The following CEP295 variants were observed in gnomAD, a reference collection of about 807,000 sequenced individuals.
CEP295 encodes centrosomal protein of 295 kDa.
A neutral mutation model predicts 291.6 loss-of-function variants in CEP295; 190 were observed. The observed-to-expected ratio is 0.65, with a 90% CI of 0.58 to 0.73. The LOEUF is 0.73. CEP295 is among the 30% of genes least tolerant of loss of function. The probability of loss-of-function intolerance (pLI) is 0.00; values close to 1 mark genes in which losing one functional copy is unlikely to be tolerated. For missense variants in CEP295, 2,863 were observed against 2,949.4 expected (o/e 0.97, Z 0.68); for synonymous variants, 993 against 1,038.8 (o/e 0.96, Z 0.85).
At position 93,679,006 on chromosome 11, in the gene CEP295, G is replaced by A. The variant is rs372047663; in HGVS notation, c.625-406G>A. 2.0e-4 allele frequency among the ~76,000 whole-genome samples: 31 copies of A among 152,168 alleles called. No homozygotes were observed. The East Asian group carries it at 3.3e-3, about 16-fold the overall frequency. ...CGAGTAGCTGGGATTATAGGTGCCCGCCACCATGCCTGGCTAATTTTTATA... is the reference window on the plus strand; with the variant it reads ...CGAGTAGCTGGGATTATAGGTGCCCACCACCATGCCTGGCTAATTTTTATA... On this transcript the variant is annotated intron_variant, in intron 6 of 29. Coordinates refer to ENST00000325212, the MANE Select transcript of CEP295 (RefSeq NM_033395.2).
At chr11:93,691,278 C>T (rs1036203215) in intron 10 of CEP295, among the ~76,000 whole-genome samples, 1 of 152,184 alleles carries the variant, frequency 6.6e-6, no homozygotes, top group Non-Finnish European at 1.5e-5. Context: ...GAACAAATTG[C>T]TTTAACTTCC....
At chr11:93,702,317 T>G in intron 15 of CEP295, 143 bp from the exon 16 acceptor site, 1 of 533,598 alleles carries the variant, frequency 1.9e-6, no homozygotes, top group Non-Finnish European at 3.2e-6. Flanking sequence ...TCTTATTTTT[T>G]ATATATAGAT....
At position 93,696,528 on chromosome 11, in the gene CEP295, A is replaced by G; in HGVS notation, c.1769+111A>G. The G allele has an allele frequency of 7.9e-6, 8 of 1,013,770 alleles. No individual in the cohort carries two copies. In the Middle Eastern group the frequency reaches 1.5e-3, roughly 190 times the overall value. The allele number at this position is 1,013,770 out of a possible 1,614,324, so 62.8% of individuals were successfully genotyped here. On this transcript the variant is annotated intron_variant, in intron 14 of 29. Coordinates refer to ENST00000325212, the MANE Select transcript of CEP295 (RefSeq NM_033395.2). ...GGATTTCCTTAGAATTATGGCATTTAGAACTGCCATTCTTAAAGGACAATG... is the reference window on the plus strand; with the variant it reads ...GGATTTCCTTAGAATTATGGCATTTGGAACTGCCATTCTTAAAGGACAATG...
At chr11:93,675,125 C>T (rs1181365741) in intron 5 of CEP295, among the ~76,000 whole-genome samples, 3 of 151,968 alleles carry the variant, frequency 2.0e-5, no homozygotes, top group Non-Finnish European at 4.4e-5. Flanking sequence ...ATTCAAAATA[C>T]GTCATTAAAC....
intron 10 of CEP295, among the ~76,000 whole-genome samples, chr11:93,689,342 C>G (rs894736889): frequency 6.6e-6 from 1 of 152,316 alleles, no homozygotes; most frequent in Non-Finnish European, 1.5e-5. Context: ...TACTCCCATA[C>G]TCACTACCTC....
chr11:93,727,785 C>T, intron 24 of CEP295, 148 bp downstream of exon 24: 10 of 657,574 alleles, frequency 1.5e-5, no homozygotes, highest in Non-Finnish European at 2.5e-5. Flanking sequence ...GCCTCAACTT[C>T]CGAAGTAGTT....
At chr11:93,703,869 C>T (rs763876125) in intron 17 of CEP295, among the ~76,000 whole-genome samples, 12 of 150,656 alleles carry the variant, frequency 8.0e-5, no homozygotes, top group East Asian at 2.0e-4. Flanking sequence ...CCCAGGTTCA[C>T]GCCATTCTCC....
intron 12 of CEP295, 54 bp from the exon 13 acceptor site, chr11:93,695,443 C>A: frequency 8.2e-7 from 1 of 1,212,552 alleles, no homozygotes; most frequent in Non-Finnish European, 1.1e-6. Context: ...CGTGTGTTAT[C>A]TTTGCCTTTG....
Position 93,685,531 on chromosome 11 carries a change from A to C in CEP295, c.1114+1403A>C, listed in dbSNP as rs187842903. 3.1e-3 allele frequency among the ~76,000 whole-genome samples: 479 copies of C among 152,108 alleles called. 3 individuals carry two copies. Among genetic ancestry groups the C allele is most frequent in the African/African-American group, 0.011 (451 of 41,362 alleles). Reference sequence around the variant, plus strand: ...ACGGAAGCCTAAGGTTACTACCAGCAACTGGGGAAAAAAAAGCAGCAGCAG... The same window carrying C: ...ACGGAAGCCTAAGGTTACTACCAGCCACTGGGGAAAAAAAAGCAGCAGCAG... On this transcript the variant is annotated intron_variant, in intron 9 of 29. Coordinates refer to ENST00000325212, the MANE Select transcript of CEP295 (RefSeq NM_033395.2).
Position 93,729,402 on chromosome 11 carries a change from A to G in CEP295, c.7303-32A>G, listed in dbSNP as rs777615446. On this transcript the variant is annotated intron_variant, in intron 25 of 29. Coordinates refer to ENST00000325212, the MANE Select transcript of CEP295 (RefSeq NM_033395.2). ...GCAAGACCCGCTTAAAGCGTTTAAAAAGAGTAAAACATGCAACTTTCTTGC... is the reference window on the plus strand; with the variant it reads ...GCAAGACCCGCTTAAAGCGTTTAAAGAGAGTAAAACATGCAACTTTCTTGC... The G allele has an allele frequency of 2.3e-5, 34 of 1,449,564 alleles. No individual in the cohort carries two copies. In the Middle Eastern group the frequency reaches 5.3e-4, roughly 23 times the overall value. The allele number at this position is 1,449,564 out of a possible 1,614,324, so 89.8% of individuals were successfully genotyped here. A position where few individuals can be genotyped will look rare whatever the true frequency, so the allele number is the denominator to read the frequency against.
chr11:93,669,003 C>A (rs1590962305), intron 4 of CEP295, 71 bp downstream of exon 4: 1 of 743,876 alleles, frequency 1.3e-6, no homozygotes, highest in Non-Finnish European at 2.2e-6. Flanking sequence ...ACATAGGATA[C>A]TGTGTAAGCA....
chr11:93,669,654 G>T, intron 4 of CEP295, 23 bp from the exon 5 acceptor site: 1 of 1,436,058 alleles, frequency 7.0e-7, no homozygotes, highest in South Asian at 1.2e-5. Context: ...GAGATTAATT[G>T]ATGACATCTC....
At chr11:93,706,080 G>T (rs376025007) in intron 17 of CEP295, among the ~76,000 whole-genome samples, 59 of 152,192 alleles carry the variant, frequency 3.9e-4, no homozygotes, top group African/African-American at 1.3e-3. Context: ...TATCAGATTC[G>T]TTTTCTCCAG....
chr11:93,711,969 T>TG (rs1311125446), intron 18 of CEP295, among the ~76,000 whole-genome samples: 1 of 152,210 alleles, frequency 6.6e-6, no homozygotes, highest in Non-Finnish European at 1.5e-5. Flanking sequence ...TAGGTTCATT[T>TG]GGTCTATGGT....
intron 18 of CEP295, among the ~76,000 whole-genome samples, chr11:93,712,481 T>C (rs925798347): frequency 6.6e-6 from 1 of 152,178 alleles, no homozygotes; most frequent in African/African-American, 2.4e-5. Context: ...CTCGAACTCC[T>C]GACCTCAGGT....
chr11:93,669,287 G>T (rs536832727), intron 4 of CEP295, among the ~76,000 whole-genome samples: 13 of 152,206 alleles, frequency 8.5e-5, no homozygotes, highest in African/African-American at 3.1e-4. Flanking sequence ...GTAGACTCTG[G>T]AAGTCATTAG....
At chr11:93,712,232 G>A (rs936555812) in intron 18 of CEP295, among the ~76,000 whole-genome samples, 14 of 149,744 alleles carry the variant, frequency 9.3e-5, no homozygotes, top group Non-Finnish European at 1.3e-4. Flanking sequence ...TATGGTTTTT[G>A]TCTTGAAATT....
chr11:93,663,728 C>T (rs1950090642), intron 1 of CEP295, among the ~76,000 whole-genome samples: 1 of 152,140 alleles, frequency 6.6e-6, no homozygotes, highest in South Asian at 2.1e-4. Flanking sequence ...AACAGTTATT[C>T]TATCGCATTT....
At position 93,729,970 on chromosome 11, in the gene CEP295, G is replaced by A. The variant is rs1591191947; in HGVS notation, c.7667+1G>A. The A allele has an allele frequency of 1.3e-6, 2 of 1,513,330 alleles. No individual in the cohort carries two copies. Among genetic ancestry groups the A allele is most frequent in the Non-Finnish European group, 1.8e-6 (2 of 1,133,500 alleles). The allele number at this position is 1,513,330 out of a possible 1,614,324, so 93.7% of individuals were successfully genotyped here. On this transcript the variant is annotated splice_donor_variant, in intron 28 of 29. Coordinates refer to ENST00000325212, the MANE Select transcript of CEP295 (RefSeq NM_033395.2). LOFTEE classifies it high-confidence loss of function. ...CTCTAAGGCACCAAAGGGGTCTAAG[G>A]TAGGGTTAATTTTTTTTTTTTTTTT...
Sources: gnomAD v4.1 joint callset for allele counts (sites outside exome capture counted in the v4.1 genomes callset) on GRCh38, gnomAD v4.1.1 for gene constraint, MANE v1.5 for transcripts, NCBI Gene and HGNC (gene_info 2026-07-23, HGNC 2026-07-21) for gene names.